The following RBM20 variants were observed in gnomAD, a reference collection of about 807,000 sequenced individuals.
The protein encoded by RBM20 is RNA binding motif protein 20, also known as RNA-binding protein 20.
Under a neutral mutation model 110.1 loss-of-function variants are expected in RBM20, and 51 were observed. The observed-to-expected ratio is 0.46, with a 90% CI of 0.37 to 0.59. The LOEUF (loss-of-function observed/expected upper bound fraction) is 0.59, where lower values mean the gene tolerates loss of function less well. Ranked by LOEUF, RBM20 falls within the 20% of genes least tolerant of loss-of-function variation. The pLI is 0.00. For synonymous variants in RBM20, 589 were observed against 618.2 expected (o/e 0.95, Z 0.70); for missense variants, 1,512 against 1,574.9 (o/e 0.96, Z 0.68).
chr10:110,769,785 C>G (rs1844161234), intron 1 of RBM20, among the ~76,000 whole-genome samples: 2 of 151,632 alleles, frequency 1.3e-5, no homozygotes, highest in African/African-American at 4.9e-5. Flanking sequence ...GTGTTGGTAT[C>G]ATAGCTCACT....
intron 1 of RBM20, among the ~76,000 whole-genome samples, chr10:110,748,166 A>AT (rs2134980621): frequency 6.6e-6 from 1 of 152,324 alleles, no homozygotes; most frequent in Non-Finnish European, 1.5e-5. Context: ...TAGGAGTTCT[A>AT]TGGCGAAAAG....
At chr10:110,806,791 C>G (rs957095116) in intron 7 of RBM20, among the ~76,000 whole-genome samples, 22 of 152,236 alleles carry the variant, frequency 1.4e-4, no homozygotes, top group African/African-American at 4.6e-4. Flanking sequence ...TAGACCTACT[C>G]TTTTCTCTCC....
rs397516590 is a variant in RBM20 at position 110,781,665 on chromosome 10, C to G, written c.1056C>G (p.Pro352=). The part of the protein sequence containing the change: ...PHNQPYELYD[P]EEPTSDRTPP... Reference sequence around the variant, plus strand: ...ACCAGCCCTATGAGCTGTACGACCCCGAGGAACCAACCTCAGACAGGACAC... The same window carrying G: ...ACCAGCCCTATGAGCTGTACGACCCGGAGGAACCAACCTCAGACAGGACAC... Residue 352 remains proline, a synonymous_variant, in exon 2 of 14, where the codon CCC becomes CCG. Coordinates refer to ENST00000369519, the MANE Select transcript of RBM20 (RefSeq NM_001134363.3). 4.8e-5 allele frequency: 75 copies of G among 1,548,106 alleles called. No homozygotes were observed. Among genetic ancestry groups the G allele is most frequent in the Non-Finnish European group, 6.1e-5 (70 of 1,144,600 alleles).
chr10:110,830,563 C>G (rs753635738), intron 12 of RBM20, among the ~76,000 whole-genome samples: 1 of 151,706 alleles, frequency 6.6e-6, no homozygotes, highest in Non-Finnish European at 1.5e-5. Flanking sequence ...ATTGGAGTGA[C>G]TCTGGGTGAT....
chr10:110,833,094 AAATGCAGCTTCCTGGGCCCGG>A (rs1388742828), intron 13 of RBM20, among the ~76,000 whole-genome samples: 1 of 152,116 alleles, frequency 6.6e-6, no homozygotes. Context: ...CATCTTTTTG[AAATGCAGCTTCCTGGGCCCGG>A]CACAGTGGCT....
intron 1 of RBM20, among the ~76,000 whole-genome samples, chr10:110,740,562 G>A (rs1262583378): frequency 6.6e-6 from 1 of 152,018 alleles, no homozygotes; most frequent in Non-Finnish European, 1.5e-5. Context: ...CAGAGAGATG[G>A]AGCCCCTTCT....
chr10:110,748,302 A>G (rs1194015076), intron 1 of RBM20, among the ~76,000 whole-genome samples: 3 of 152,258 alleles, frequency 2.0e-5, no homozygotes, highest in Admixed American at 1.3e-4. Flanking sequence ...AGCATTTGGT[A>G]TGCTTTTCAG....
chr10:110,781,267 G>T lies in RBM20; in HGVS notation c.658G>T (p.Gly220Trp). Residue 220 changes from glycine to tryptophan, a missense_variant, in exon 2 of 14, where the codon GGG becomes TGG. This residue lies in a region of RBM20 where 1,149 missense variants were observed against 1,169.4 expected (regional missense o/e 0.98). Coordinates refer to ENST00000369519, the MANE Select transcript of RBM20 (RefSeq NM_001134363.3). ...AGTCATCTTGGGCATTGGCAAGACT[G>T]GGCCTGCTCCAGCTACAGCAGGATT... ...PAVILGIGKT[G>W]PAPATAGFYE... 1 of 1,551,674 alleles carries T rather than the reference G, an allele frequency of 6.4e-7. No homozygotes were observed. The highest frequency in any genetic ancestry group is 8.7e-7 in the Non-Finnish European group (1 of 1,146,990).
chr10:110,807,130 A>C (rs1844704814), intron 7 of RBM20, among the ~76,000 whole-genome samples: 1 of 152,218 alleles, frequency 6.6e-6, no homozygotes, highest in Non-Finnish European at 1.5e-5. Context: ...CTCTGCAGCC[A>C]CATCCTTCCA....
At chr10:110,818,641 G>T (rs1340543280) in intron 9 of RBM20, among the ~76,000 whole-genome samples, 6 of 152,256 alleles carry the variant, frequency 3.9e-5, no homozygotes, top group Admixed American at 3.9e-4. Flanking sequence ...AAGAGCAGGG[G>T]TCTGCTTGGT....
chr10:110,722,071 C>A (rs1383934481), intron 1 of RBM20, among the ~76,000 whole-genome samples: 1 of 152,030 alleles, frequency 6.6e-6, no homozygotes, highest in Non-Finnish European at 1.5e-5. Context: ...TAGTTTAGAG[C>A]AATTAAGTTA....
At chr10:110,689,775 C>T (rs905401877) in intron 1 of RBM20, among the ~76,000 whole-genome samples, 6 of 152,140 alleles carry the variant, frequency 3.9e-5, no homozygotes, top group Middle Eastern at 3.2e-3. Flanking sequence ...AAGCCTTTTA[C>T]AAGTCTAAAG....
At chr10:110,812,985 G>T (rs1167984289) in intron 9 of RBM20, 38 bp downstream of exon 9, 1 of 1,330,842 alleles carries the variant, frequency 7.5e-7, no homozygotes, top group African/African-American at 1.5e-5. Context: ...GGCGAGGCAG[G>T]CCCTGAAGGA....
At chr10:110,756,948 G>T (rs891245791) in intron 1 of RBM20, among the ~76,000 whole-genome samples, 1 of 152,216 alleles carries the variant, frequency 6.6e-6, no homozygotes, top group Non-Finnish European at 1.5e-5. Context: ...TAAGAGATCA[G>T]TTAAAGCCTC....
chr10:110,826,209 T>G (rs1844978798), intron 12 of RBM20, among the ~76,000 whole-genome samples: 1 of 152,206 alleles, frequency 6.6e-6, no homozygotes, highest in Non-Finnish European at 1.5e-5. Context: ...CCTAACCAGT[T>G]AGGAAGAAAA....
At chr10:110,765,397 G>A (rs1188432639) in intron 1 of RBM20, among the ~76,000 whole-genome samples, 4 of 151,930 alleles carry the variant, frequency 2.6e-5, no homozygotes, top group Admixed American at 1.3e-4. Context: ...GGGATATTTC[G>A]CCAAGAAACA....
chr10:110,722,950 A>G (rs1843524768), intron 1 of RBM20, among the ~76,000 whole-genome samples: 1 of 152,102 alleles, frequency 6.6e-6, no homozygotes, highest in Non-Finnish European at 1.5e-5. Context: ...TGTCTCTACT[A>G]AAAATATATA....
At chr10:110,699,646 C>A (rs186805783) in intron 1 of RBM20, among the ~76,000 whole-genome samples, 1 of 152,234 alleles carries the variant, frequency 6.6e-6, no homozygotes, top group East Asian at 1.9e-4. Context: ...TGTTTCCTGT[C>A]GCTCTTTTTT....
chr10:110,653,795 ATCC>A (rs950168480), intron 1 of RBM20, among the ~76,000 whole-genome samples: 165 of 152,294 alleles, frequency 1.1e-3, no homozygotes, highest in African/African-American at 3.9e-3. Flanking sequence ...GACTTGAGCA[ATCC>A]TCCTGCCTCA....
Sources: allele counts gnomAD v4.1 joint callset (sites outside exome capture counted in the v4.1 genomes callset), GRCh38; gene constraint gnomAD v4.1.1; regional missense constraint gnomAD v4.1.1; transcripts MANE v1.5; gene names NCBI Gene and HGNC (gene_info 2026-07-23, HGNC 2026-07-21).